MXI1: variants seen among roughly 807,000 people sequenced by gnomAD.
MXI1 encodes the protein max-interacting protein 1.
A neutral mutation model predicts 36.9 loss-of-function variants in MXI1; 18 were observed. The ratio of observed to expected loss-of-function variants is 0.49; its 90% CI spans 0.34 to 0.72. The LOEUF (loss-of-function observed/expected upper bound fraction) is 0.72, where lower values mean the gene tolerates loss of function less well. MXI1 is among the 30% of genes least tolerant of loss of function. MXI1 has a pLI of 0.01. For synonymous variants in MXI1, 160 were observed against 146.7 expected, an observed-to-expected ratio of 1.09 and a Z score of -0.65; for missense variants, 304 against 379.1, an observed-to-expected ratio of 0.80 and a Z score of 1.64.
Position 110,227,531 on chromosome 10 carries a change from G to C in MXI1, c.275-658G>C, listed in dbSNP as rs546375065. On this transcript the variant is annotated intron_variant, in intron 1 of 5. Coordinates refer to ENST00000332674, the MANE Select transcript of MXI1 (RefSeq NM_130439.3). ...CCGTGGAGAAGCTTGGAGGGCCCCG[G>C]AGCGGGAGAGGGTGCTGGGAGATAA... 6.1e-6 allele frequency: 6 copies of C among 986,868 alleles called. No homozygotes were observed. The South Asian group carries it at 2.8e-4, about 46-fold the overall frequency. The allele number at this position is 986,868 out of a possible 1,614,324, so 61.1% of individuals were successfully genotyped here.
At position 110,279,183 on chromosome 10, in the gene MXI1, A is replaced by G. The variant is rs1350618298; in HGVS notation, c.441A>G (p.Arg147=). ...STHNELEKNR[R]AHLRLCLERL... ...TTTGACTTTTTGTCTTTCTTAGACG[A>G]GCTCATCTGCGCCTTTGTTTAGAAC... Residue 147 remains arginine, a synonymous_variant, in exon 4 of 6, where the codon CGA becomes CGG. Transcript: ENST00000332674. 1.2e-6 allele frequency: 2 copies of G among 1,613,106 alleles called. No homozygotes were observed. Among genetic ancestry groups the G allele is most frequent in the African/African-American group, 2.7e-5 (2 of 74,914 alleles).
intron 3 of MXI1, among the ~76,000 whole-genome samples, chr10:110,249,412 G>T (rs1368602434): frequency 6.6e-6 from 1 of 151,842 alleles, no homozygotes; most frequent in Non-Finnish European, 1.5e-5. Context: ...ACTGATTACA[G>T]TACATTAAAT....
In MXI1 at chr10:110,207,633, A is replaced by G. The variant is rs556028255; in HGVS notation, c.-176A>G. On this transcript the variant is annotated 5_prime_UTR_variant, in exon 1 of 6. Coordinates refer to ENST00000332674, the MANE Select transcript of MXI1 (RefSeq NM_130439.3). ...CACACAGACTCACAGCGAGACCGACACACACTCCCATACACTCACACACAC... is the reference window on the plus strand; with the variant it reads ...CACACAGACTCACAGCGAGACCGACGCACACTCCCATACACTCACACACAC... 5.7e-5 allele frequency: 11 copies of G among 193,312 alleles called. No homozygotes were observed. The highest frequency in any genetic ancestry group is 4.3e-4 in the East Asian group (3 of 6,926). 12.0% of individuals were successfully genotyped at this position (193,312 alleles called of 1,614,324 possible). A position where few individuals can be genotyped will look rare whatever the true frequency, so the allele number is the denominator to read the frequency against.
At chr10:110,236,486 C>T (rs1213350571) in intron 2 of MXI1, among the ~76,000 whole-genome samples, 3 of 152,010 alleles carry the variant, frequency 2.0e-5, no homozygotes, top group Admixed American at 6.6e-5. Flanking sequence ...GACAGGGTTT[C>T]ACTCTTTCAC....
intron 1 of MXI1, among the ~76,000 whole-genome samples, chr10:110,209,467 G>T (rs555038444): frequency 9.8e-5 from 15 of 152,322 alleles, no homozygotes; most frequent in Admixed American, 2.6e-4. Flanking sequence ...AGGTCTTCAG[G>T]GTTAAAGGAA....
In MXI1 at chr10:110,245,644, A is replaced by C. The variant is rs141894252; in HGVS notation, c.437+787A>C. 7.2e-5 allele frequency: 11 copies of C among 152,284 alleles called. No individual in the cohort carries two copies. In the East Asian group the frequency reaches 1.9e-3, roughly 27 times the overall value. The allele number at this position is 152,284 out of a possible 1,614,324, so 9.4% of individuals were successfully genotyped here. A position where few individuals can be genotyped will look rare whatever the true frequency, so the allele number is the denominator to read the frequency against. On this transcript the variant is annotated intron_variant, in intron 3 of 5. Transcript: ENST00000332674. ...AAGAGTCTTGTCTACCATGCCCAAG[A>C]GTTTAGACTTCCTGAGACCCATAGG...
intron 5 of MXI1, among the ~76,000 whole-genome samples, chr10:110,281,790 C>T (rs756963998): frequency 4.6e-5 from 7 of 152,122 alleles, no homozygotes; most frequent in African/African-American, 1.4e-4. Flanking sequence ...ATGCAGAATA[C>T]TTCATAGGTG....
chr10:110,211,443 G>A (rs1195652998), intron 1 of MXI1, among the ~76,000 whole-genome samples: 1 of 152,210 alleles, frequency 6.6e-6, no homozygotes, highest in Non-Finnish European at 1.5e-5. Flanking sequence ...TCTTCTGTCC[G>A]GAGATGAGTG....
chr10:110,248,541 T>C (rs1855957052), intron 3 of MXI1, among the ~76,000 whole-genome samples: 1 of 152,162 alleles, frequency 6.6e-6, no homozygotes, highest in African/African-American at 2.4e-5. Flanking sequence ...ACCTGGGCTG[T>C]GTGTAATCTC....
intron 3 of MXI1, among the ~76,000 whole-genome samples, chr10:110,247,978 A>G (rs1158443689): frequency 6.6e-6 from 1 of 152,218 alleles, no homozygotes; most frequent in African/African-American, 2.4e-5. Context: ...GGATTAAGAA[A>G]ATGTGGCACA....
At chr10:110,241,578 AC>A (rs148319807) in intron 2 of MXI1, among the ~76,000 whole-genome samples, 2,123 of 151,892 alleles carry the variant, frequency 0.014, 43 homozygotes, top group African/African-American at 0.049. Context: ...ATACTCCTAA[AC>A]CTTGTACTGT....
intron 1 of MXI1, among the ~76,000 whole-genome samples, chr10:110,212,148 A>G (rs1218372411): frequency 6.6e-6 from 1 of 152,214 alleles, no homozygotes; most frequent in East Asian, 1.9e-4. Flanking sequence ...TGGAGGCAAC[A>G]CTTAAGATAG....
chr10:110,244,460 C>A (rs1030427830), intron 2 of MXI1, among the ~76,000 whole-genome samples: 1 of 151,156 alleles, frequency 6.6e-6, no homozygotes, highest in Non-Finnish European at 1.5e-5. Flanking sequence ...GGAAGTACAC[C>A]CACTTTTTTT....
At chr10:110,274,641 T>G (rs1856967670) in intron 3 of MXI1, among the ~76,000 whole-genome samples, 1 of 152,212 alleles carries the variant, frequency 6.6e-6, no homozygotes, top group Admixed American at 6.5e-5. Context: ...TAAGTCTAGT[T>G]CTATAAATGT....
intron 3 of MXI1, among the ~76,000 whole-genome samples, chr10:110,251,730 A>G (rs370438599): frequency 1.1e-4 from 16 of 152,300 alleles, no homozygotes; most frequent in African/African-American, 3.8e-4. Flanking sequence ...TGAGCCGTGA[A>G]GAAGAGAGAT....
chr10:110,285,021 A>G lies in MXI1; in HGVS notation c.*34A>G, dbSNP rs1857395636. The G allele has an allele frequency of 3.8e-6, 6 of 1,571,548 alleles. No individual in the cohort carries two copies. Among genetic ancestry groups the G allele is most frequent in the Non-Finnish European group, 5.2e-6 (6 of 1,158,804 alleles). ...ATGACATAACAGTGCAGGGCAAAAT[A>G]TTCACTGGGCCAATTCAATACAAAC... On this transcript the variant is annotated 3_prime_UTR_variant, in exon 6 of 6. Transcript: ENST00000332674.
intron 1 of MXI1, among the ~76,000 whole-genome samples, chr10:110,216,665 G>GTTTTTTTTTTTTGTTTTTT (rs1854646290): frequency 3.8e-5 from 3 of 79,058 alleles, no homozygotes; most frequent in African/African-American, 8.0e-5. Context: ...TGTGTTTAAT[G>GTTTTTTTTTTTTGTTTTTT]TTTTTTTTTT....
At chr10:110,269,532 C>A (rs1285745004) in intron 3 of MXI1, among the ~76,000 whole-genome samples, 11 of 152,120 alleles carry the variant, frequency 7.2e-5, no homozygotes, top group Non-Finnish European at 1.2e-4. Context: ...TAATTTGATA[C>A]AATAAAGCAG....
intron 2 of MXI1, among the ~76,000 whole-genome samples, chr10:110,238,204 TC>T (rs919460490): frequency 1.1e-4 from 16 of 152,314 alleles, no homozygotes; most frequent in African/African-American, 3.4e-4. Flanking sequence ...GGTTGTCAAT[TC>T]CCAGTACTTC....
Sources: gnomAD v4.1 joint callset for allele counts (sites outside exome capture counted in the v4.1 genomes callset) on GRCh38, gnomAD v4.1.1 for gene constraint, MANE v1.5 for transcripts, NCBI Gene and HGNC (gene_info 2026-07-23, HGNC 2026-07-21) for gene names.